The following SGCD variants were observed in gnomAD, a reference collection of about 807,000 sequenced individuals.
The protein encoded by SGCD is sarcoglycan delta.
SGCD carries 18 observed loss-of-function variants against 36.6 expected under a neutral mutation model. That is an observed-to-expected ratio of 0.49 (90% CI 0.34 to 0.73). The LOEUF (loss-of-function observed/expected upper bound fraction) is 0.73. SGCD is among the 30% of genes least tolerant of loss of function. The pLI is 0.01. For missense variants in SGCD, 387 were observed against 346.7 expected (o/e 1.12, Z -0.92); for synonymous variants, 133 against 130.6 (o/e 1.02, Z -0.12).
intron 3 of SGCD, among the ~76,000 whole-genome samples, chr5:156,248,505 G>A (rs1581194255): frequency 1.3e-5 from 2 of 152,098 alleles, no homozygotes; most frequent in African/African-American, 2.4e-5. Flanking sequence ...GAGACAGAGT[G>A]AGGCTCCGTC....
the SGCD span, among the ~76,000 whole-genome samples, chr5:155,853,017 G>T: frequency 6.7e-6 from 1 of 150,144 alleles, no homozygotes; most frequent in African/African-American, 2.5e-5. Context: ...ATTTCCTTTT[G>T]CATTTCCATA....
intron 3 of SGCD, among the ~76,000 whole-genome samples, chr5:156,390,214 T>TAAA (rs59950725): frequency 1.3e-5 from 2 of 150,658 alleles, no homozygotes; most frequent in Non-Finnish European, 1.5e-5. Context: ...TTCTGTTTAT[T>TAAA]AAAAAAAAAA....
At chr5:155,902,461 A>G (rs1022109780) in intron 1 of SGCD, among the ~76,000 whole-genome samples, 3 of 152,182 alleles carry the variant, frequency 2.0e-5, no homozygotes, top group African/African-American at 7.2e-5. Context: ...TAATATTATC[A>G]TTTTATAACT....
At position 156,374,630 on chromosome 5, in the gene SGCD, C is replaced by T. The variant is rs532299543; in HGVS notation, c.192+29953C>T. 7.3e-4 allele frequency among the ~76,000 whole-genome samples: 111 copies of T among 151,056 alleles called. 1 individual carries two copies. Among genetic ancestry groups the T allele is most frequent in the African/African-American group, 2.6e-3 (107 of 41,190 alleles). Reference sequence around the variant, plus strand: ...AATTGTTTCTTGGAGCAGAAGCTTCCTGCATGAATAAACAATACAAAGCAA... The same window carrying T: ...AATTGTTTCTTGGAGCAGAAGCTTCTTGCATGAATAAACAATACAAAGCAA... On this transcript the variant is annotated intron_variant, in intron 3 of 8. Transcript: ENST00000337851.
chr5:156,407,532 A>T lies in SGCD; in HGVS notation c.192+62855A>T, dbSNP rs909256604. On this transcript the variant is annotated intron_variant, in intron 3 of 8. Transcript: ENST00000337851. ...AAAATGTTGAACAAACTTGAGCTTA[A>T]TAAGTAAAGAATTTTTAAAAGACAT... Among the ~76,000 whole-genome samples the T allele has an allele frequency of 4.6e-5, 7 of 152,372 alleles. No individual in the cohort carries two copies. The East Asian group carries it at 1.3e-3, about 29-fold the overall frequency.
At chr5:156,623,751 A>G (rs1352268491) in intron 6 of SGCD, among the ~76,000 whole-genome samples, 2 of 152,184 alleles carry the variant, frequency 1.3e-5, no homozygotes, top group Admixed American at 1.3e-4. Flanking sequence ...GCTATGAAGG[A>G]AGGTAATGTG....
chr5:156,160,725 CTCT>C (rs2127618232), intron 3 of SGCD, among the ~76,000 whole-genome samples: 1 of 150,728 alleles, frequency 6.6e-6, no homozygotes, highest in Non-Finnish European at 1.5e-5. Flanking sequence ...TTTTTTTTGC[CTCT>C]TCTTCATGTG....
chr5:156,674,588 A>G (rs1433892816), intron 7 of SGCD, among the ~76,000 whole-genome samples: 1 of 152,192 alleles, frequency 6.6e-6, no homozygotes, highest in Non-Finnish European at 1.5e-5. Flanking sequence ...GAAGACTATC[A>G]TAGAGATGTG....
At chr5:155,864,572 T>G in the SGCD span, among the ~76,000 whole-genome samples, 3 of 152,236 alleles carry the variant, frequency 2.0e-5, no homozygotes, top group Admixed American at 2.0e-4. Flanking sequence ...TGATTCTATA[T>G]TTGAGATTTA....
intron 3 of SGCD, among the ~76,000 whole-genome samples, chr5:156,474,627 G>T (rs1755105102): frequency 6.6e-6 from 1 of 152,222 alleles, no homozygotes; most frequent in African/African-American, 2.4e-5. Context: ...AAGGAAAACA[G>T]ATTTAATTTT....
At chr5:156,341,377 A>G (rs2127713547) in intron 2 of SGCD, among the ~76,000 whole-genome samples, 1 of 152,056 alleles carries the variant, frequency 6.6e-6, no homozygotes, top group African/African-American at 2.4e-5. Flanking sequence ...TTCTTGCAAG[A>G]CTTTGTCTTA....
At chr5:155,859,930 C>A in the SGCD span, among the ~76,000 whole-genome samples, 1 of 152,216 alleles carries the variant, frequency 6.6e-6, no homozygotes, top group Admixed American at 6.5e-5. Context: ...CCAGCCCATC[C>A]ACCCTATCAC....
At chr5:156,340,509 T>C (rs1768595110) in intron 2 of SGCD, among the ~76,000 whole-genome samples, 2 of 152,196 alleles carry the variant, frequency 1.3e-5, no homozygotes. Flanking sequence ...TATAAATATA[T>C]TCTGCATTCA....
intron 1 of SGCD, among the ~76,000 whole-genome samples, chr5:155,993,690 G>A (rs947824712): frequency 1.1e-4 from 16 of 152,052 alleles, no homozygotes; most frequent in African/African-American, 3.1e-4. Context: ...TCACTTACAC[G>A]TCTAGTAGTT....
At chr5:155,728,271 G>GGCCGCTGCTGCCGCTGCT in the SGCD span, among the ~76,000 whole-genome samples, 2 of 152,060 alleles carry the variant, frequency 1.3e-5, no homozygotes, top group African/African-American at 2.4e-5. Flanking sequence ...GGGAGGTGGC[G>GGCCGCTGCTGCCGCTGCT]GCCGCTGCTG....
chr5:156,754,910 AC>A (rs1757280622), intron 7 of SGCD, among the ~76,000 whole-genome samples: 1 of 152,254 alleles, frequency 6.6e-6, no homozygotes, highest in South Asian at 2.1e-4. Context: ...AAATTGTAGA[AC>A]ATATTCTACA....
At chr5:156,607,914 C>A (rs549062761) in intron 6 of SGCD, among the ~76,000 whole-genome samples, 1 of 151,818 alleles carries the variant, frequency 6.6e-6, no homozygotes, top group African/African-American at 2.4e-5. Flanking sequence ...TTTTTTATTG[C>A]GTCTATTTGA....
At chr5:156,748,297 T>C (rs1240526994) in intron 7 of SGCD, among the ~76,000 whole-genome samples, 1 of 152,186 alleles carries the variant, frequency 6.6e-6, no homozygotes, top group Non-Finnish European at 1.5e-5. Flanking sequence ...CCTGAAACTA[T>C]ACATCTATCA....
chr5:156,609,891 T>C (rs1761696290), intron 6 of SGCD, among the ~76,000 whole-genome samples: 1 of 152,238 alleles, frequency 6.6e-6, no homozygotes, highest in Admixed American at 6.5e-5. Flanking sequence ...GGTTTTCAGC[T>C]CCATCAGGTC....
Sources: gnomAD v4.1 joint callset for allele counts (sites outside exome capture counted in the v4.1 genomes callset) on GRCh38, gnomAD v4.1.1 for gene constraint, MANE v1.5 for transcripts, NCBI Gene and HGNC (gene_info 2026-07-23, HGNC 2026-07-21) for gene names.